RPS6KA5: variants seen among roughly 807,000 people sequenced by gnomAD.
RPS6KA5 encodes the protein ribosomal protein S6 kinase alpha-5.
A neutral mutation model predicts 85.5 loss-of-function variants in RPS6KA5; 27 were observed. That is an observed-to-expected ratio of 0.32 (90% CI 0.23 to 0.44). The LOEUF is 0.44. Ranked by LOEUF, RPS6KA5 falls within the 20% of genes least tolerant of loss-of-function variation. The probability of loss-of-function intolerance (pLI) is 1.00; values close to 1 mark genes in which losing one functional copy is unlikely to be tolerated. For synonymous variants in RPS6KA5, 334 were observed against 348.2 expected (o/e 0.96, Z 0.46); for missense variants, 811 against 980.9 (o/e 0.83, Z 2.31).
chr14:91,057,141 G>C (rs1241258371), intron 1 of RPS6KA5, among the ~76,000 whole-genome samples: 1 of 151,704 alleles, frequency 6.6e-6, no homozygotes, highest in Non-Finnish European at 1.5e-5. Context: ...AGCCTCCCAA[G>C]GCAGTATTAT....
chr14:90,939,144 C>G (rs1430099838), intron 5 of RPS6KA5, among the ~76,000 whole-genome samples: 1 of 152,202 alleles, frequency 6.6e-6, no homozygotes, highest in Non-Finnish European at 1.5e-5. Context: ...GTTCAAAGTT[C>G]CACAAATCTC....
chr14:90,898,903 A>G (rs938846682), intron 12 of RPS6KA5, among the ~76,000 whole-genome samples: 3 of 152,186 alleles, frequency 2.0e-5, no homozygotes, highest in Admixed American at 2.0e-4. Context: ...TTTAGCTTGC[A>G]TTAATTAGGC....
At chr14:90,894,613 C>A (rs1247082125) in intron 12 of RPS6KA5, 30 bp from the exon 13 acceptor site, 10 of 1,605,638 alleles carry the variant, frequency 6.2e-6, no homozygotes, top group South Asian at 1.1e-5. Flanking sequence ...ACGTGGAGGG[C>A]CTTCCTGAAG....
intron 2 of RPS6KA5, among the ~76,000 whole-genome samples, chr14:90,980,781 G>C (rs183382075): frequency 2.6e-5 from 4 of 152,196 alleles, no homozygotes; most frequent in African/African-American, 9.7e-5. Flanking sequence ...ATGCAAGTTA[G>C]GTGTTTTAAC....
At chr14:91,056,520 G>A (rs971356708) in intron 1 of RPS6KA5, among the ~76,000 whole-genome samples, 1 of 152,174 alleles carries the variant, frequency 6.6e-6, no homozygotes, top group Admixed American at 6.5e-5. Context: ...TGGCACAGTA[G>A]TGGGGAAGAA....
intron 1 of RPS6KA5, among the ~76,000 whole-genome samples, chr14:91,013,138 A>G (rs2041329986): frequency 6.6e-6 from 1 of 152,160 alleles, no homozygotes; most frequent in Non-Finnish European, 1.5e-5. Flanking sequence ...CACTGATGCC[A>G]TAAGACATTT....
At chr14:90,938,972 A>C (rs1389269309) in intron 5 of RPS6KA5, among the ~76,000 whole-genome samples, 2 of 152,210 alleles carry the variant, frequency 1.3e-5, no homozygotes, top group African/African-American at 4.8e-5. Flanking sequence ...TCAGAAAACA[A>C]GATTTTCTTT....
At chr14:91,031,585 T>C (rs6575169) in intron 1 of RPS6KA5, among the ~76,000 whole-genome samples, 104,251 of 151,978 alleles carry the variant, frequency 0.69, 35,907 homozygotes, top group East Asian at 0.87. Context: ...ATCTAACCTA[T>C]AGAAAATCAT....
chr14:91,045,050 G>A (rs2042815266), intron 1 of RPS6KA5, among the ~76,000 whole-genome samples: 1 of 152,030 alleles, frequency 6.6e-6, no homozygotes, highest in African/African-American at 2.4e-5. Context: ...AACTCAGTCT[G>A]GCTAACACAA....
chr14:90,980,676 C>A (rs1420147938), intron 2 of RPS6KA5, among the ~76,000 whole-genome samples: 1 of 152,172 alleles, frequency 6.6e-6, no homozygotes, highest in Non-Finnish European at 1.5e-5. Context: ...CAGTCTGACT[C>A]CTGGGCCAGT....
At chr14:90,953,213 A>T (rs1286104) in intron 3 of RPS6KA5, among the ~76,000 whole-genome samples, 96,316 of 152,134 alleles carry the variant, frequency 0.63, 32,222 homozygotes, top group East Asian at 0.87. Context: ...CCCAAATAAT[A>T]CTTTTATAAT....
intron 1 of RPS6KA5, among the ~76,000 whole-genome samples, chr14:91,046,602 G>T (rs546779986): frequency 4.0e-4 from 61 of 152,200 alleles, no homozygotes; most frequent in Admixed American, 1.1e-3. Flanking sequence ...AGATTATTAT[G>T]ATGTGATTAG....
At chr14:90,997,310 C>T (rs562964663) in intron 2 of RPS6KA5, among the ~76,000 whole-genome samples, 1 of 152,198 alleles carries the variant, frequency 6.6e-6, no homozygotes, top group East Asian at 1.9e-4. Context: ...TTATAAAGTA[C>T]CTGAAAATGA....
At position 90,883,260 on chromosome 14, in the gene RPS6KA5, C is replaced by A. The variant is rs888377849; in HGVS notation, c.1836+7227G>T. ...CTTTCTTCTCCTTCTGAAACTCCGA[C>A]AATGCATATGTTGGTCCTCTTGATG... On this transcript the variant is annotated intron_variant, in intron 14 of 16. Coordinates refer to ENST00000614987, the MANE Select transcript of RPS6KA5 (RefSeq NM_004755.4). Among the ~76,000 whole-genome samples the A allele has an allele frequency of 9.9e-4, 151 of 152,270 alleles. 2 individuals are homozygous for A. Among genetic ancestry groups the A allele is most frequent in the African/African-American group, 3.5e-3 (144 of 41,536 alleles).
chr14:90,872,123 T>G lies in RPS6KA5; in HGVS notation c.2360A>C (p.Asp787Ala), dbSNP rs200886537. 1 of 1,613,562 alleles carries G rather than the reference T, an allele frequency of 6.2e-7. No individual in the cohort carries two copies. The change falls in exon 17 of 17, where the codon GAC (aspartate) becomes GCC (alanine). Residue 787 changes from aspartate (D) to alanine (A), a missense_variant. Coordinates refer to ENST00000614987, the MANE Select transcript of RPS6KA5 (RefSeq NM_004755.4). ...TKTLQPSNPA[D>A]SNNPETLFQF... ...GAAGAGGGTCTCCGGGTTATTGCTGTCGGCAGGATTGCTGGGCTGCAGTGT... is the reference window on the plus strand; with the variant it reads ...GAAGAGGGTCTCCGGGTTATTGCTGGCGGCAGGATTGCTGGGCTGCAGTGT...
chr14:90,894,477 T>C lies in RPS6KA5; in HGVS notation c.1580A>G (p.Lys527Arg), dbSNP rs2034727228. 3 of 1,614,148 alleles carry C rather than the reference T, an allele frequency of 1.9e-6. No homozygotes were observed. The highest frequency in any genetic ancestry group is 1.6e-4 in the Middle Eastern group (1 of 6,062). Residue 527 changes from lysine to arginine, a missense_variant, in exon 13 of 17, where the codon AAG becomes AGG. Lys to Arg is a conservative substitution (Grantham distance 26). Around this residue, in one of 3 missense-constraint regions of RPS6KA5, gnomAD observed 650 missense variants for 793.4 expected, o/e 0.82. Transcript: ENST00000614987. ...CATGTGGCTTACAGCTGAAACAAGCTTCCTCATGATGTAGCTGGCTTCCGT... is the reference window on the plus strand; with the variant it reads ...CATGTGGCTTACAGCTGAAACAAGCCTCCTCATGATGTAGCTGGCTTCCGT... The part of the protein sequence containing the change: ...SETEASYIMR[K>R]LVSAVSHMHD...
intron 3 of RPS6KA5, among the ~76,000 whole-genome samples, chr14:90,961,936 T>C (rs1029065947): frequency 6.6e-5 from 10 of 152,172 alleles, no homozygotes; most frequent in Non-Finnish European, 1.2e-4. Context: ...TTTGGCAACA[T>C]AGAAGAGCTA....
At chr14:90,911,629 C>CAA (rs1390115748) in intron 7 of RPS6KA5, among the ~76,000 whole-genome samples, 5 of 152,154 alleles carry the variant, frequency 3.3e-5, no homozygotes, top group Non-Finnish European at 7.4e-5. Flanking sequence ...CTCAATAGTA[C>CAA]ATTAAGCAGC....
chr14:90,898,118 T>C (rs778351022), intron 12 of RPS6KA5, among the ~76,000 whole-genome samples: 5 of 152,156 alleles, frequency 3.3e-5, no homozygotes, highest in Non-Finnish European at 5.9e-5. Flanking sequence ...GGCAGTAGTT[T>C]AAAGTAAATA....
Sources: allele counts gnomAD v4.1 joint callset (sites outside exome capture counted in the v4.1 genomes callset), GRCh38; gene constraint gnomAD v4.1.1; regional missense constraint gnomAD v4.1.1; transcripts MANE v1.5; gene names NCBI Gene and HGNC (gene_info 2026-07-23, HGNC 2026-07-21).